The following NTM variants were observed in gnomAD, a reference collection of about 807,000 sequenced individuals.
NTM encodes the protein neurotrimin.
NTM carries 13 observed loss-of-function variants against 42.1 expected under a neutral mutation model. The ratio of observed to expected loss-of-function variants is 0.31; its 90% CI spans 0.20 to 0.49. The LOEUF is 0.49. Among genes scored for constraint, NTM ranks in the 20% least tolerant of loss-of-function variants. The pLI is 0.99. For synonymous variants in NTM, 187 were observed against 179.2 expected, an observed-to-expected ratio of 1.04 and a Z score of -0.35; for missense variants, 373 against 452.8, an observed-to-expected ratio of 0.82 and a Z score of 1.60.
chr11:132,106,960 T>C (rs1271583105), intron 2 of NTM, among the ~76,000 whole-genome samples: 2 of 152,286 alleles, frequency 1.3e-5, no homozygotes, highest in South Asian at 4.1e-4. Context: ...TGCCGGTCTT[T>C]GTGAAAGCTT....
chr11:131,500,849 TG>T (rs1000739726), intron 1 of NTM, among the ~76,000 whole-genome samples: 8 of 150,428 alleles, frequency 5.3e-5, no homozygotes, highest in African/African-American at 2.0e-4. Context: ...TTTGGTTTTT[TG>T]TCCTTGTGAT....
chr11:131,828,213 T>C (rs968476507), intron 1 of NTM, among the ~76,000 whole-genome samples: 2 of 152,138 alleles, frequency 1.3e-5, no homozygotes, highest in Non-Finnish European at 2.9e-5. Context: ...ACCCTGTGCG[T>C]AGCAAGTACG....
intron 1 of NTM, among the ~76,000 whole-genome samples, chr11:131,507,532 T>C (rs1232082538): frequency 6.6e-5 from 10 of 152,132 alleles, no homozygotes; most frequent in African/African-American, 1.7e-4. Context: ...ATTGACTTGG[T>C]GATGCGGGCT....
intron 1 of NTM, among the ~76,000 whole-genome samples, chr11:131,633,094 TG>T (rs1196055651): frequency 6.6e-6 from 1 of 152,170 alleles, no homozygotes; most frequent in African/African-American, 2.4e-5. Flanking sequence ...GGCTCCAAAG[TG>T]GGGGACACAT....
chr11:132,230,625 C>T (rs568952309), intron 4 of NTM, among the ~76,000 whole-genome samples: 2 of 152,366 alleles, frequency 1.3e-5, no homozygotes, highest in Non-Finnish European at 2.9e-5. Context: ...TGAGCCTTCG[C>T]CATCTCCTCT....
intron 4 of NTM, among the ~76,000 whole-genome samples, chr11:132,250,943 T>C (rs1030660391): frequency 1.3e-5 from 2 of 152,158 alleles, no homozygotes; most frequent in African/African-American, 2.4e-5. Flanking sequence ...TCTGTGAGGC[T>C]CATTGTATTT....
intron 1 of NTM, chr11:131,540,650 C>T (rs943922056): frequency 6.6e-6 from 1 of 152,170 alleles, no homozygotes; most frequent in Non-Finnish European, 1.5e-5. Context: ...TCTTGTGCAG[C>T]ATAGTTTGGA....
chr11:131,681,857 G>A (rs2072995973), intron 1 of NTM, among the ~76,000 whole-genome samples: 1 of 151,916 alleles, frequency 6.6e-6, no homozygotes, highest in Admixed American at 6.6e-5. Context: ...CCCTGTGTGT[G>A]TGAGCGTGTG....
At chr11:131,796,289 G>T (rs2091550259) in intron 1 of NTM, 3 of 543,494 alleles carry the variant, frequency 5.5e-6, no homozygotes, top group South Asian at 1.6e-4. Flanking sequence ...TGCCTGCCTG[G>T]CTGTGCTGGT....
At chr11:131,523,109 G>A (rs73026171) in intron 1 of NTM, among the ~76,000 whole-genome samples, 12,152 of 152,226 alleles carry the variant, frequency 0.08, 542 homozygotes, top group Middle Eastern at 0.16. Flanking sequence ...AGCCGACTTA[G>A]TGTCCCTTTT....
At chr11:131,830,440 T>C (rs2042676464) in intron 1 of NTM, among the ~76,000 whole-genome samples, 1 of 152,204 alleles carries the variant, frequency 6.6e-6, no homozygotes, top group Non-Finnish European at 1.5e-5. Context: ...TCCCCATTGC[T>C]TGTTTTTGTC....
At chr11:132,316,351 T>C (rs756653428) in intron 7 of NTM, among the ~76,000 whole-genome samples, 1 of 152,224 alleles carries the variant, frequency 6.6e-6, no homozygotes, top group Non-Finnish European at 1.5e-5. Flanking sequence ...CAGGCACACA[T>C]GTAGCAATTA....
intron 1 of NTM, among the ~76,000 whole-genome samples, chr11:131,886,217 G>A (rs2050365072): frequency 6.6e-6 from 1 of 152,062 alleles, no homozygotes; most frequent in Admixed American, 6.5e-5. Flanking sequence ...ATCCTTCCCT[G>A]CCATGCATCT....
At chr11:132,141,379 T>A (rs1405745949) in intron 2 of NTM, among the ~76,000 whole-genome samples, 3 of 152,214 alleles carry the variant, frequency 2.0e-5, no homozygotes, top group Non-Finnish European at 2.9e-5. Context: ...ATCTTGGGCT[T>A]GCTTAATCAT....
At chr11:131,679,749 C>T (rs2072091613) in intron 1 of NTM, among the ~76,000 whole-genome samples, 1 of 151,876 alleles carries the variant, frequency 6.6e-6, no homozygotes, top group Non-Finnish European at 1.5e-5. Flanking sequence ...TCTTGGGTCT[C>T]ACCACAGATA....
At chr11:131,470,274 A>T (rs781735151) in intron 1 of NTM, among the ~76,000 whole-genome samples, 1 of 152,218 alleles carries the variant, frequency 6.6e-6, no homozygotes, top group Non-Finnish European at 1.5e-5. Context: ...CAGTTGTCTG[A>T]AAGGCAAAGG....
chr11:132,054,525 C>A (rs1044851046), intron 2 of NTM, among the ~76,000 whole-genome samples: 1 of 152,206 alleles, frequency 6.6e-6, no homozygotes, highest in Non-Finnish European at 1.5e-5. Context: ...GAGCCCAGAG[C>A]AAATTCCCAT....
At chr11:131,464,861 A>G (rs1951743012) in intron 1 of NTM, among the ~76,000 whole-genome samples, 2 of 152,052 alleles carry the variant, frequency 1.3e-5, no homozygotes, top group Non-Finnish European at 2.9e-5. Flanking sequence ...AAATCCCCAA[A>G]CCTCTGAATG....
chr11:132,055,706 C>A (rs1334164501), intron 2 of NTM, among the ~76,000 whole-genome samples: 1 of 151,630 alleles, frequency 6.6e-6, no homozygotes. Flanking sequence ...AGAGAACCAT[C>A]AAAGCAGTAC....
Sources: gnomAD v4.1 joint callset for allele counts (sites outside exome capture counted in the v4.1 genomes callset) on GRCh38, gnomAD v4.1.1 for gene constraint, MANE v1.5 for transcripts, NCBI Gene and HGNC (gene_info 2026-07-23, HGNC 2026-07-21) for gene names.